Variants in ROR1 observed in about 807,000 individuals in gnomAD.
ROR1 encodes inactive tyrosine-protein kinase transmembrane receptor ROR1.
A neutral mutation model predicts 78.8 loss-of-function variants in ROR1; 19 were observed. That is an observed-to-expected ratio of 0.24 (90% confidence interval 0.17 to 0.35). The LOEUF (loss-of-function observed/expected upper bound fraction) is 0.35. Ranked by LOEUF, ROR1 falls within the 10% of genes least tolerant of loss-of-function variation. ROR1 has a pLI of 1.00. For missense variants in ROR1, 917 were observed against 1,177.8 expected (o/e 0.78, Z 3.24); for synonymous variants, 386 against 433.6 (o/e 0.89, Z 1.36).
chr1:64,014,741 T>A (rs1344894913), intron 2 of ROR1, among the ~76,000 whole-genome samples: 1 of 2,034 alleles, frequency 4.9e-4, no homozygotes. Context: ...ATACGCACAC[T>A]ATATATATAT....
chr1:64,040,662 C>G (rs1231994526), intron 2 of ROR1, among the ~76,000 whole-genome samples: 1 of 152,164 alleles, frequency 6.6e-6, no homozygotes, highest in Non-Finnish European at 1.5e-5. Context: ...GGTTCACAGA[C>G]AGCTGTCTTC....
intron 4 of ROR1, among the ~76,000 whole-genome samples, chr1:64,102,547 C>T (rs1324440503): frequency 1.3e-5 from 2 of 152,138 alleles, no homozygotes; most frequent in Admixed American, 1.3e-4. Flanking sequence ...CTTTTATTCA[C>T]CTGTCTTTTA....
At chr1:64,167,823 G>T (rs1396970911) in intron 8 of ROR1, among the ~76,000 whole-genome samples, 1 of 152,224 alleles carries the variant, frequency 6.6e-6, no homozygotes, top group African/African-American at 2.4e-5. Flanking sequence ...CATCAACGGA[G>T]TGAGGTCTAA....
At chr1:63,978,428 C>T (rs1342052675) in intron 1 of ROR1, among the ~76,000 whole-genome samples, 1 of 152,124 alleles carries the variant, frequency 6.6e-6, no homozygotes, top group African/African-American at 2.4e-5. Flanking sequence ...TGAACACTTC[C>T]TGTGTGACAG....
At chr1:63,876,812 C>T (rs1300796856) in intron 1 of ROR1, among the ~76,000 whole-genome samples, 2 of 151,758 alleles carry the variant, frequency 1.3e-5, no homozygotes, top group African/African-American at 2.4e-5. Context: ...TACACAGCCT[C>T]ATCCCCTAAA....
chr1:64,068,879 A>G (rs1646979180), intron 4 of ROR1, among the ~76,000 whole-genome samples: 1 of 152,192 alleles, frequency 6.6e-6, no homozygotes, highest in African/African-American at 2.4e-5. Context: ...CCCAAAATAT[A>G]TCTTTTCAAG....
At chr1:63,808,459 A>C (rs916615114) in intron 1 of ROR1, among the ~76,000 whole-genome samples, 1 of 152,242 alleles carries the variant, frequency 6.6e-6, no homozygotes, top group African/African-American at 2.4e-5. Flanking sequence ...TATCTTGTTT[A>C]AACTTTTCTA....
intron 1 of ROR1, among the ~76,000 whole-genome samples, chr1:63,807,212 A>G (rs1644835191): frequency 6.6e-6 from 1 of 152,244 alleles, no homozygotes; most frequent in Non-Finnish European, 1.5e-5. Context: ...CACTTCTGGG[A>G]AAATTGCTTT....
rs529339089 is a variant in ROR1, at chr1:63,806,365, T to G, written c.91+31857T>G. ...TGGAGTCTCGCTCTGTCGCCCAGGC[T>G]GGAGTGCAGTGGCACAATCCCAGCC... On this transcript the variant is annotated intron_variant, in intron 1 of 8. Coordinates refer to ENST00000371079, the MANE Select transcript of ROR1 (RefSeq NM_005012.4). 6.0e-5 allele frequency among the ~76,000 whole-genome samples: 9 copies of G among 150,554 alleles called. No individual in the cohort carries two copies. In the East Asian group the frequency reaches 1.8e-3, roughly 30 times the overall value.
chr1:63,882,882 T>G (rs1645331970), intron 1 of ROR1, among the ~76,000 whole-genome samples: 1 of 151,742 alleles, frequency 6.6e-6, no homozygotes, highest in African/African-American at 2.4e-5. Flanking sequence ...GAGGAGATAT[T>G]TTGGTTGATG....
intron 2 of ROR1, among the ~76,000 whole-genome samples, chr1:64,048,646 G>A (rs1646804566): frequency 6.6e-6 from 1 of 152,126 alleles, no homozygotes. Context: ...AATTTTATCT[G>A]CAATTGGATT....
intron 1 of ROR1, among the ~76,000 whole-genome samples, chr1:63,794,739 G>A (rs1037679888): frequency 3.9e-5 from 6 of 152,224 alleles, no homozygotes; most frequent in Admixed American, 2.0e-4. Flanking sequence ...GAAGCAGCGA[G>A]CAAGAAGGGA....
At chr1:64,127,541 CTCTT>C (rs1648756487) in intron 4 of ROR1, among the ~76,000 whole-genome samples, 1 of 151,534 alleles carries the variant, frequency 6.6e-6, no homozygotes, top group South Asian at 2.1e-4. Context: ...TCCTCTTTCT[CTCTT>C]TGTCTTTCCG....
intron 1 of ROR1, among the ~76,000 whole-genome samples, chr1:63,971,713 C>T (rs1222816358): frequency 6.6e-6 from 1 of 152,120 alleles, no homozygotes; most frequent in Non-Finnish European, 1.5e-5. Context: ...AATGGGGATG[C>T]TTATAAAGGG....
chr1:64,009,661 C>T (rs1245205896), intron 2 of ROR1, among the ~76,000 whole-genome samples: 1 of 152,054 alleles, frequency 6.6e-6, no homozygotes, highest in African/African-American at 2.4e-5. Flanking sequence ...TCTGACCTTT[C>T]TGACACTACA....
chr1:63,896,132 C>G (rs1298518186), intron 1 of ROR1, among the ~76,000 whole-genome samples: 2 of 152,092 alleles, frequency 1.3e-5, no homozygotes, highest in African/African-American at 4.8e-5. Flanking sequence ...CCACTCCCAT[C>G]ATTACATATT....
At chr1:64,058,037 A>G (rs1196984389) in intron 4 of ROR1, among the ~76,000 whole-genome samples, 1 of 152,112 alleles carries the variant, frequency 6.6e-6, no homozygotes, top group South Asian at 2.1e-4. Context: ...TTGGTGTGCA[A>G]GTCTTGCTCT....
At chr1:64,012,744 G>T (rs765503587) in intron 2 of ROR1, among the ~76,000 whole-genome samples, 3 of 152,082 alleles carry the variant, frequency 2.0e-5, no homozygotes, top group Non-Finnish European at 4.4e-5. Context: ...GAGTATATAT[G>T]TTTAAAACGT....
chr1:63,940,464 C>G (rs765435394), intron 1 of ROR1, among the ~76,000 whole-genome samples: 1 of 147,882 alleles, frequency 6.8e-6, no homozygotes, highest in Non-Finnish European at 1.5e-5. Flanking sequence ...TAGGTAAGTA[C>G]GTAGATAGAT....
Sources: allele counts gnomAD v4.1 joint callset (sites outside exome capture counted in the v4.1 genomes callset), GRCh38; gene constraint gnomAD v4.1.1; transcripts MANE v1.5; gene names NCBI Gene and HGNC (gene_info 2026-07-23, HGNC 2026-07-21).